Variants in DLGAP1 observed in about 807,000 individuals in gnomAD.
DLGAP1 encodes the protein disks large-associated protein 1.
A neutral mutation model predicts 90.8 loss-of-function variants in DLGAP1; 11 were observed. That is an observed-to-expected ratio of 0.12 (90% CI 0.08 to 0.20). The LOEUF is 0.20. Ranked by LOEUF, DLGAP1 falls within the 10% of genes least tolerant of loss-of-function variation. DLGAP1 has a pLI of 1.00. For missense variants in DLGAP1, 1,050 were observed against 1,333.8 expected, an observed-to-expected ratio of 0.79 and a Z score of 3.31; for synonymous variants, 558 against 540.7, an observed-to-expected ratio of 1.03 and a Z score of -0.44.
intron 2 of DLGAP1, among the ~76,000 whole-genome samples, chr18:4,079,610 C>T (rs2075575034): frequency 6.6e-6 from 1 of 151,762 alleles, no homozygotes; most frequent in Non-Finnish European, 1.5e-5. Flanking sequence ...GTGACAGGTG[C>T]ACCACAATCT....
chr18:3,948,988 G>T (rs1241193700), intron 3 of DLGAP1, among the ~76,000 whole-genome samples: 2 of 151,990 alleles, frequency 1.3e-5, no homozygotes, highest in East Asian at 3.9e-4. Context: ...AACCTAAACA[G>T]AAATTATCAA....
intron 7 of DLGAP1, among the ~76,000 whole-genome samples, chr18:3,706,221 C>T (rs2061428973): frequency 6.6e-6 from 1 of 152,068 alleles, no homozygotes. Flanking sequence ...TGGTCTTAAA[C>T]TCCTAACCTC....
rs3075071 is a variant in DLGAP1, at chr18:3,527,410, CTTTT to C, written c.2479+6780_2479+6783del. Among the ~76,000 whole-genome samples the C allele has an allele frequency of 5.5e-4, 55 of 100,676 alleles. 1 individual carries two copies. The highest frequency in any genetic ancestry group is 1.3e-3 in the African/African-American group (35 of 26,796). 66.0% of individuals were successfully genotyped at this position (100,676 alleles called of 152,430 possible). A position where few individuals can be genotyped will look rare whatever the true frequency, so the allele number is the denominator to read the frequency against. ...GTGAGTAAACAGGTTATTTTCCAAA[CTTTT>C]TTTTTTTTTTTTTTTTTTGCCATGG... On this transcript the variant is annotated intron_variant, in intron 10 of 12. Coordinates refer to ENST00000315677, the MANE Select transcript of DLGAP1 (RefSeq NM_004746.4).
intron 9 of DLGAP1, among the ~76,000 whole-genome samples, chr18:3,536,706 G>A (rs573142234): frequency 1.4e-4 from 21 of 152,094 alleles, no homozygotes; most frequent in Non-Finnish European, 7.3e-5. Context: ...CAGTTCTAGC[G>A]AGGTGATGAA....
chr18:4,319,045 T>A (rs1199042021), intron 1 of DLGAP1, among the ~76,000 whole-genome samples: 2 of 152,340 alleles, frequency 1.3e-5, no homozygotes, highest in East Asian at 3.9e-4. Context: ...TAACGGATAT[T>A]TTAATTAGTT....
At chr18:4,301,106 C>G (rs1301594526) in intron 1 of DLGAP1, among the ~76,000 whole-genome samples, 3 of 152,114 alleles carry the variant, frequency 2.0e-5, no homozygotes, top group Non-Finnish European at 4.4e-5. Flanking sequence ...TCTATCAACT[C>G]AAATTCTTAT....
At chr18:3,857,913 A>G (rs2069750099) in intron 4 of DLGAP1, among the ~76,000 whole-genome samples, 1 of 152,004 alleles carries the variant, frequency 6.6e-6, no homozygotes, top group South Asian at 2.1e-4. Context: ...GACCAACTTG[A>G]TACTCTCAAG....
intron 1 of DLGAP1, among the ~76,000 whole-genome samples, chr18:4,396,337 C>T (rs1432511983): frequency 6.6e-6 from 1 of 152,122 alleles, no homozygotes; most frequent in Non-Finnish European, 1.5e-5. Context: ...GCATAGAATT[C>T]CACAGCCACT....
intron 5 of DLGAP1, among the ~76,000 whole-genome samples, chr18:3,782,979 A>G (rs1299496621): frequency 6.6e-6 from 1 of 152,234 alleles, no homozygotes; most frequent in African/African-American, 2.4e-5. Context: ...TACCTCAATC[A>G]AAATGGGTAA....
chr18:3,765,840 G>C (rs2064218461), intron 5 of DLGAP1, among the ~76,000 whole-genome samples: 1 of 148,528 alleles, frequency 6.7e-6, no homozygotes, highest in Non-Finnish European at 1.5e-5. Context: ...GTCTCAAAAG[G>C]AAAAAAAACA....
intron 1 of DLGAP1, among the ~76,000 whole-genome samples, chr18:4,326,549 C>G (rs2080822239): frequency 6.6e-6 from 1 of 152,038 alleles, no homozygotes; most frequent in African/African-American, 2.4e-5. Context: ...CGCATATGTT[C>G]ATTGCAGCAA....
Position 4,272,894 on chromosome 18 carries a change from G to C in DLGAP1, c.-266-121607C>G, listed in dbSNP as rs555355372. Among the ~76,000 whole-genome samples, 4 of 152,278 alleles carry C rather than the reference G, an allele frequency of 2.6e-5. No homozygotes were observed. In the East Asian group the frequency reaches 7.7e-4, roughly 29 times the overall value. ...AGGTATCCTTACAAGAAGAGGAGAG[G>C]TCACACAGAGAAAACCTTGTGAAGG... On this transcript the variant is annotated intron_variant, in intron 1 of 12. Coordinates refer to ENST00000315677, the MANE Select transcript of DLGAP1 (RefSeq NM_004746.4).
chr18:4,421,075 T>C (rs1331990745), intron 1 of DLGAP1, among the ~76,000 whole-genome samples: 1 of 152,172 alleles, frequency 6.6e-6, no homozygotes, highest in Non-Finnish European at 1.5e-5. Flanking sequence ...CTGTAACAAA[T>C]TATCACAAAC....
intron 2 of DLGAP1, among the ~76,000 whole-genome samples, chr18:4,147,880 T>G (rs2076612694): frequency 1.3e-5 from 2 of 152,202 alleles, no homozygotes; most frequent in African/African-American, 4.8e-5. Flanking sequence ...CTGGATCATT[T>G]AGTTTACAGA....
At chr18:3,918,191 A>G (rs1219982676) in intron 3 of DLGAP1, among the ~76,000 whole-genome samples, 1 of 152,236 alleles carries the variant, frequency 6.6e-6, no homozygotes, top group Non-Finnish European at 1.5e-5. Context: ...GCTGTGAAAT[A>G]CACCATACCT....
At chr18:3,723,221 C>A (rs1555641915) in intron 7 of DLGAP1, among the ~76,000 whole-genome samples, 2 of 152,102 alleles carry the variant, frequency 1.3e-5, no homozygotes, top group Non-Finnish European at 1.5e-5. Context: ...AGCAGGTAAA[C>A]AAATGGGTGT....
chr18:4,199,739 G>C (rs1380731024), intron 1 of DLGAP1, among the ~76,000 whole-genome samples: 1 of 152,178 alleles, frequency 6.6e-6, no homozygotes, highest in African/African-American at 2.4e-5. Flanking sequence ...AGAATGCAAG[G>C]TGTTTTGCTT....
At position 3,804,853 on chromosome 18, in the gene DLGAP1, G is replaced by A. The variant is rs115473470; in HGVS notation, c.1172+9206C>T. Among the ~76,000 whole-genome samples the A allele has an allele frequency of 4.8e-3, 725 of 152,314 alleles. 3 individuals carry two copies. Among genetic ancestry groups the A allele is most frequent in the African/African-American group, 0.017 (691 of 41,558 alleles). ...TAGCATTGAATCTCTTCCTACACGA[G>A]GGACAGAGAAAATAAACCAGTGCTT... On this transcript the variant is annotated intron_variant, in intron 5 of 12. Transcript: ENST00000315677.
chr18:3,712,441 C>G (rs1448117301), intron 7 of DLGAP1, among the ~76,000 whole-genome samples: 1 of 152,214 alleles, frequency 6.6e-6, no homozygotes, highest in Non-Finnish European at 1.5e-5. Flanking sequence ...AAAGTCTCAC[C>G]TGGGGCTCAT....
Sources: allele counts gnomAD v4.1 joint callset (sites outside exome capture counted in the v4.1 genomes callset), GRCh38; gene constraint gnomAD v4.1.1; transcripts MANE v1.5; gene names NCBI Gene and HGNC (gene_info 2026-07-23, HGNC 2026-07-21).